The following VTI1A variants were observed in gnomAD, a reference collection of about 807,000 sequenced individuals.
The protein encoded by VTI1A is vesicle transport through interaction with t-SNAREs 1A, also known as vesicle transport through interaction with t-SNAREs homolog 1A.
In VTI1A, 22 loss-of-function variants were observed where a neutral mutation model predicts 34.9. The observed-to-expected ratio is 0.63, with a 90% CI of 0.45 to 0.90. The LOEUF (loss-of-function observed/expected upper bound fraction) is 0.90, where lower values mean the gene tolerates loss of function less well. Among genes scored for constraint, VTI1A ranks in the 40% least tolerant of loss-of-function variants. The probability of loss-of-function intolerance (pLI) is 0.00; values close to 1 mark genes in which losing one functional copy is unlikely to be tolerated. For missense variants in VTI1A, 268 were observed against 275.6 expected (o/e 0.97, Z 0.20); for synonymous variants, 87 against 97.3 (o/e 0.89, Z 0.62).
At position 112,817,272 on chromosome 10, in the gene VTI1A, G is replaced by A. The variant is rs1048524428; in HGVS notation, c.*1889G>A. On this transcript the variant is annotated 3_prime_UTR_variant, in exon 8 of 8. Transcript: ENST00000393077. ...ACCAGTTACCAGCTGCACTTCGCAC[G>A]GCCATCCCGTCCACAATGCAGCAGA... 4.3e-6 allele frequency: 1 copy of A among 232,274 alleles called. No individual in the cohort carries two copies. The highest frequency in any genetic ancestry group is 6.1e-5 in the East Asian group (1 of 16,450). The allele number at this position is 232,274 out of a possible 1,614,324, so 14.4% of individuals were successfully genotyped here.
At chr10:112,624,885 C>T (rs1845863914) in intron 5 of VTI1A, among the ~76,000 whole-genome samples, 1 of 152,054 alleles carries the variant, frequency 6.6e-6, no homozygotes, top group South Asian at 2.1e-4. Flanking sequence ...TCACTTGAGG[C>T]TGGGAGTTCG....
chr10:112,461,424 C>G (rs1564786333), intron 2 of VTI1A, among the ~76,000 whole-genome samples: 1 of 152,168 alleles, frequency 6.6e-6, no homozygotes, highest in Non-Finnish European at 1.5e-5. Context: ...CCAAGTGATT[C>G]TCAACACTGT....
At chr10:112,599,571 T>A (rs1844805477) in intron 5 of VTI1A, among the ~76,000 whole-genome samples, 1 of 152,148 alleles carries the variant, frequency 6.6e-6, no homozygotes. Flanking sequence ...CTTGCTTGAT[T>A]TGCTTTGCTT....
intron 7 of VTI1A, among the ~76,000 whole-genome samples, chr10:112,721,925 G>C (rs1273980108): frequency 2.0e-5 from 3 of 152,158 alleles, no homozygotes; most frequent in South Asian, 2.1e-4. Flanking sequence ...TTCTGCATTG[G>C]GGGAGGTGGG....
At chr10:112,563,035 T>G (rs549957862) in intron 5 of VTI1A, among the ~76,000 whole-genome samples, 1 of 152,288 alleles carries the variant, frequency 6.6e-6, no homozygotes, top group South Asian at 2.1e-4. Context: ...CGCGTAGAGT[T>G]GCAGGGACCA....
chr10:112,718,495 G>T (rs1445971696), intron 7 of VTI1A, among the ~76,000 whole-genome samples: 4 of 152,138 alleles, frequency 2.6e-5, no homozygotes, highest in African/African-American at 9.7e-5. Context: ...CTTTAATGAA[G>T]ACTTTAATTC....
At chr10:112,541,971 A>C (rs1047123888) in intron 5 of VTI1A, among the ~76,000 whole-genome samples, 2 of 152,170 alleles carry the variant, frequency 1.3e-5, no homozygotes, top group East Asian at 3.8e-4. Flanking sequence ...TTGTCCTAGA[A>C]TCTGTGAATA....
chr10:112,693,653 C>T (rs1461385325), intron 7 of VTI1A, among the ~76,000 whole-genome samples: 1 of 152,174 alleles, frequency 6.6e-6, no homozygotes, highest in Non-Finnish European at 1.5e-5. Context: ...CTCTAACTTC[C>T]GAGTTGAAAA....
At chr10:112,671,979 G>A (rs1000133415) in intron 7 of VTI1A, 1 of 152,078 alleles carries the variant, frequency 6.6e-6, no homozygotes, top group Non-Finnish European at 1.5e-5. Flanking sequence ...CACTTTCAGA[G>A]TACTTTAGTG....
intron 7 of VTI1A, among the ~76,000 whole-genome samples, chr10:112,707,968 A>G (rs1451950093): frequency 6.6e-6 from 1 of 152,202 alleles, no homozygotes; most frequent in Non-Finnish European, 1.5e-5. Context: ...CACTTTATTA[A>G]ACATCTAGCC....
At chr10:112,833,445 G>A in the VTI1A span, among the ~76,000 whole-genome samples, 1 of 151,908 alleles carries the variant, frequency 6.6e-6, no homozygotes, top group African/African-American at 2.4e-5. Flanking sequence ...GGAGTGAATC[G>A]GAGACTAGGG....
chr10:112,744,482 A>G (rs1850816232), intron 7 of VTI1A, among the ~76,000 whole-genome samples: 1 of 113,690 alleles, frequency 8.8e-6, no homozygotes, highest in Admixed American at 9.0e-5. Context: ...TTTTTTTGAG[A>G]CAGAGTCTGT....
intron 7 of VTI1A, among the ~76,000 whole-genome samples, chr10:112,696,798 A>G (rs535875198): frequency 6.6e-6 from 1 of 152,294 alleles, no homozygotes; most frequent in African/African-American, 2.4e-5. Flanking sequence ...CTGCTGAGGG[A>G]TTGTATTTCC....
intron 7 of VTI1A, among the ~76,000 whole-genome samples, chr10:112,753,833 G>A (rs756228279): frequency 2.6e-5 from 4 of 152,170 alleles, no homozygotes; most frequent in Non-Finnish European, 4.4e-5. Flanking sequence ...ACTTTGTGGG[G>A]CTTATAAAAG....
the VTI1A span, among the ~76,000 whole-genome samples, chr10:112,830,232 C>T: frequency 5.9e-5 from 9 of 152,068 alleles, no homozygotes; most frequent in Non-Finnish European, 4.4e-5. Flanking sequence ...CATAGCCTTT[C>T]GCATCAGAAT....
At chr10:112,830,837 A>T in the VTI1A span, among the ~76,000 whole-genome samples, 14 of 46,236 alleles carry the variant, frequency 3.0e-4, 2 homozygotes, top group African/African-American at 9.5e-4. Context: ...ATATATATAT[A>T]TATATATATA....
intron 7 of VTI1A, among the ~76,000 whole-genome samples, chr10:112,705,176 A>G (rs954566500): frequency 2.6e-5 from 4 of 151,918 alleles, no homozygotes; most frequent in African/African-American, 9.7e-5. Flanking sequence ...GTACCTGATT[A>G]CAGTCATAAG....
At chr10:112,472,237 C>T (rs927462879) in intron 3 of VTI1A, among the ~76,000 whole-genome samples, 7 of 152,126 alleles carry the variant, frequency 4.6e-5, no homozygotes, top group Non-Finnish European at 1.0e-4. Flanking sequence ...CAGTGGTGCC[C>T]GAATGCTGCC....
At chr10:112,842,043 TTTTTTTCC>T in the VTI1A span, among the ~76,000 whole-genome samples, 4 of 137,372 alleles carry the variant, frequency 2.9e-5, no homozygotes, top group African/African-American at 1.1e-4. Flanking sequence ...TTTTCTTTTT[TTTTTTTCC>T]TTTTTTTTTT....
Sources: allele counts gnomAD v4.1 joint callset (sites outside exome capture counted in the v4.1 genomes callset), GRCh38; gene constraint gnomAD v4.1.1; transcripts MANE v1.5; gene names NCBI Gene and HGNC (gene_info 2026-07-23, HGNC 2026-07-21).